HIVEP1: variants seen among roughly 807,000 people sequenced by gnomAD.
HIVEP1 encodes the protein HIVEP zinc finger 1.
Under a neutral mutation model 180.0 loss-of-function variants are expected in HIVEP1, and 36 were observed. That is an observed-to-expected ratio of 0.20 (90% CI 0.15 to 0.26). The LOEUF is 0.26. Among genes scored for constraint, HIVEP1 ranks in the 10% least tolerant of loss-of-function variants. HIVEP1 has a pLI of 1.00. For missense variants in HIVEP1, 3,143 were observed against 3,268.7 expected (o/e 0.96, Z 0.94); for synonymous variants, 1,239 against 1,239.0 (o/e 1.00, Z 0.00).
At chr6:12,136,895 A>T (rs1758737104) in intron 7 of HIVEP1, among the ~76,000 whole-genome samples, 1 of 152,198 alleles carries the variant, frequency 6.6e-6, no homozygotes, top group African/African-American at 2.4e-5. Flanking sequence ...GAAAAAAAAA[A>T]TTGAAAAAGT....
At chr6:12,126,950 C>T (rs915277798) in intron 4 of HIVEP1, among the ~76,000 whole-genome samples, 6 of 152,100 alleles carry the variant, frequency 3.9e-5, no homozygotes, top group East Asian at 1.9e-4. Flanking sequence ...CCTCCCCTCC[C>T]GGGTTCAAGC....
intron 2 of HIVEP1, among the ~76,000 whole-genome samples, chr6:12,052,772 C>A (rs1312107821): frequency 6.6e-6 from 1 of 152,152 alleles, no homozygotes; most frequent in Non-Finnish European, 1.5e-5. Flanking sequence ...AATTTACTTT[C>A]TTTTCTTGTC....
At chr6:12,112,338 C>T (rs1377136801) in intron 3 of HIVEP1, among the ~76,000 whole-genome samples, 1 of 151,968 alleles carries the variant, frequency 6.6e-6, no homozygotes, top group Admixed American at 6.5e-5. Flanking sequence ...CTTTGGTTTT[C>T]AGCAGTTTGA....
At chr6:12,105,948 A>C (rs1397114316) in intron 3 of HIVEP1, among the ~76,000 whole-genome samples, 2 of 151,848 alleles carry the variant, frequency 1.3e-5, no homozygotes, top group Admixed American at 1.3e-4. Context: ...TTTTCCCAAA[A>C]ATTTTGAAAT....
chr6:12,093,313 T>C (rs1466213512), intron 3 of HIVEP1, among the ~76,000 whole-genome samples: 1 of 151,912 alleles, frequency 6.6e-6, no homozygotes, highest in African/African-American at 2.4e-5. Flanking sequence ...TTCAGATTTA[T>C]TTTTTACTTC....
intron 2 of HIVEP1, among the ~76,000 whole-genome samples, chr6:12,023,655 C>CTT (rs60857853): frequency 2.1e-5 from 3 of 139,874 alleles, no homozygotes; most frequent in Admixed American, 1.5e-4. Context: ...AGCAAGCCTC[C>CTT]TTTTTTTTTG....
intron 2 of HIVEP1, among the ~76,000 whole-genome samples, chr6:12,030,204 A>G (rs1366122018): frequency 6.6e-6 from 1 of 151,952 alleles, no homozygotes; most frequent in Non-Finnish European, 1.5e-5. Context: ...TGTTTCTTTC[A>G]TGGTTCTTTC....
At chr6:12,080,087 T>C (rs1479563746) in intron 2 of HIVEP1, among the ~76,000 whole-genome samples, 3 of 152,114 alleles carry the variant, frequency 2.0e-5, no homozygotes, top group Non-Finnish European at 4.4e-5. Context: ...TTTACTGTTT[T>C]AGGGGATGTA....
At chr6:12,134,372 A>G (rs1758593398) in intron 6 of HIVEP1, among the ~76,000 whole-genome samples, 1 of 152,170 alleles carries the variant, frequency 6.6e-6, no homozygotes, top group Admixed American at 6.5e-5. Context: ...CTCCTTAAGT[A>G]CTAAGCTCTG....
downstream of HIVEP1, chr6:12,165,216 A>G (rs1234743241): frequency 8.6e-6 from 4 of 465,988 alleles, no homozygotes; most frequent in African/African-American, 4.1e-5. Flanking sequence ...TTTCATAGTT[A>G]TTATTAGAAG....
At position 12,123,875 on chromosome 6, in the gene HIVEP1, C is replaced by G. The variant is rs1388912275; in HGVS notation, c.4080C>G (p.His1360Gln). The stretch of plus-strand genomic sequence containing the variant: ...ATACTCTGAATGTTCCTGGATGTCA[C>G]CGGGAAATGAGGCGTACTGCATCAG... ...GLNTLNVPGCHREMRRTASEQ... is the reference protein window; with the variant it reads ...GLNTLNVPGCQREMRRTASEQ... The change falls in exon 4 of 9, where the codon CAC (histidine) becomes CAG (glutamine). Residue 1360 changes from histidine (H) to glutamine (Q), a missense_variant. His to Gln is a conservative substitution (Grantham distance 24). Transcript: ENST00000379388. 3 of 1,614,128 alleles carry G rather than the reference C, an allele frequency of 1.9e-6. No homozygotes were observed. Among genetic ancestry groups the G allele is most frequent in the Non-Finnish European group, 2.5e-6 (3 of 1,180,004 alleles).
At chr6:12,168,092 C>CATATGTGTATATATACATATAT (rs781151396), downstream of HIVEP1, among the ~76,000 whole-genome samples, 5 of 16,828 alleles carry the variant, frequency 3.0e-4, 1 homozygote, top group Non-Finnish European at 5.4e-4. Flanking sequence ...TACATATATA[C>CATATGTGTATATATACATATAT]ACATACACGT....
Position 12,120,561 on chromosome 6 carries a change from C to T in HIVEP1, c.766C>T (p.Gln256Ter). 2 of 1,614,228 alleles carry T rather than the reference C, an allele frequency of 1.2e-6. No individual in the cohort carries two copies. The highest frequency in any genetic ancestry group is 1.7e-6 in the Non-Finnish European group (2 of 1,180,038). The change falls in exon 4 of 9, where the codon CAG becomes TAG. Residue 256 changes from glutamine (Q) to a stop codon, truncating the protein, a stop_gained. Transcript: ENST00000379388. LOFTEE classifies it high-confidence loss of function. ...TTCACAGGAATTGGTTGCTGAATCA[C>T]AGTCTTCTTGTACCTCATACACAGT... ...QTSQELVAES[Q>*]SSCTSYTVHM...
chr6:12,090,387 A>G (rs1773390346), intron 3 of HIVEP1, among the ~76,000 whole-genome samples: 1 of 152,144 alleles, frequency 6.6e-6, no homozygotes, highest in Non-Finnish European at 1.5e-5. Flanking sequence ...CTGAGCAGGT[A>G]TCTGTAGGGG....
intron 2 of HIVEP1, among the ~76,000 whole-genome samples, chr6:12,053,081 TC>T (rs755833825): frequency 1.3e-5 from 2 of 152,214 alleles, no homozygotes; most frequent in Non-Finnish European, 2.9e-5. Context: ...TTCTTCAAGA[TC>T]GGAAGACTTT....
chr6:12,182,941 A>G, the HIVEP1 span, among the ~76,000 whole-genome samples: 189 of 152,296 alleles, frequency 1.2e-3, 1 homozygote, highest in Non-Finnish European at 2.3e-3. Context: ...GACTCAAGAA[A>G]GGATGCACAT....
At chr6:12,211,165 T>C in the HIVEP1 span, among the ~76,000 whole-genome samples, 76,307 of 139,390 alleles carry the variant, frequency 0.55, 22,344 homozygotes, top group African/African-American at 0.76. Context: ...TTTGGGAGGC[T>C]GAGGCGGGCG....
At chr6:12,155,790 G>A (rs911884536) in intron 7 of HIVEP1, among the ~76,000 whole-genome samples, 2 of 152,192 alleles carry the variant, frequency 1.3e-5, no homozygotes, top group Non-Finnish European at 2.9e-5. Flanking sequence ...GGGTCAGATG[G>A]TATTTCTGCA....
intron 2 of HIVEP1, among the ~76,000 whole-genome samples, chr6:12,049,825 T>A (rs952527965): frequency 3.9e-5 from 6 of 152,228 alleles, no homozygotes; most frequent in African/African-American, 1.4e-4. Flanking sequence ...ATTTTTATTA[T>A]GTAATGAGGG....
Sources: allele counts gnomAD v4.1 joint callset (sites outside exome capture counted in the v4.1 genomes callset), GRCh38; gene constraint gnomAD v4.1.1; transcripts MANE v1.5; gene names NCBI Gene and HGNC (gene_info 2026-07-23, HGNC 2026-07-21).